The following KALRN variants were observed in gnomAD, a reference collection of about 807,000 sequenced individuals.
KALRN encodes kalirin.
In KALRN, 70 loss-of-function variants were observed where a neutral mutation model predicts 353.7. That is an observed-to-expected ratio of 0.20 (90% CI 0.16 to 0.24). The LOEUF is 0.24. Among genes scored for constraint, KALRN ranks in the 10% least tolerant of loss-of-function variants. The probability of loss-of-function intolerance (pLI) is 1.00; values close to 1 mark genes in which losing one functional copy is unlikely to be tolerated. For missense variants in KALRN, 2,791 were observed against 3,756.7 expected (o/e 0.74, Z 6.72); for synonymous variants, 1,391 against 1,434.8 (o/e 0.97, Z 0.69).
intron 5 of KALRN, among the ~76,000 whole-genome samples, chr3:124,288,192 A>G (rs2076122078): frequency 6.6e-6 from 1 of 152,140 alleles, no homozygotes; most frequent in African/African-American, 2.4e-5. Flanking sequence ...TATATTTTTT[A>G]AGAAAACATT....
intron 21 of KALRN, among the ~76,000 whole-genome samples, chr3:124,449,947 T>A (rs2058619462): frequency 6.6e-6 from 1 of 152,244 alleles, no homozygotes; most frequent in African/African-American, 2.4e-5. Flanking sequence ...ATTCATCAGT[T>A]GATGGACATT....
At chr3:124,673,122 C>T (rs1159524880) in intron 48 of KALRN, among the ~76,000 whole-genome samples, 5 of 152,074 alleles carry the variant, frequency 3.3e-5, no homozygotes, top group African/African-American at 1.2e-4. Flanking sequence ...CGCTGGCTCA[C>T]GCCTGTAATC....
At position 124,334,942 on chromosome 3, in the gene KALRN, G is replaced by A. The variant is rs531236910; in HGVS notation, c.1647+447G>A. ...CCCAAGTAGCTGGGATTAACCGCATGTGCCATCACACCCAGCTAATTTTTG... is the reference window on the plus strand; with the variant it reads ...CCCAAGTAGCTGGGATTAACCGCATATGCCATCACACCCAGCTAATTTTTG... On this transcript the variant is annotated intron_variant, in intron 9 of 59. Transcript: ENST00000682506. The surrounding 1 kb of genome is among the most constrained non-coding windows in gnomAD (Gnocchi z 4.2). Among the ~76,000 whole-genome samples the A allele has an allele frequency of 3.3e-5, 5 of 152,294 alleles. No homozygotes were observed. In the South Asian group the frequency reaches 1.0e-3, roughly 32 times the overall value.
At chr3:124,392,777 GTATTTTTTTT>G (rs1022692593) in intron 11 of KALRN, among the ~76,000 whole-genome samples, 2 of 146,124 alleles carry the variant, frequency 1.4e-5, no homozygotes, top group South Asian at 2.2e-4. Context: ...GCTAATTTTT[GTATTTTTTTT>G]TATTTTTTTT....
chr3:124,563,225 C>A, intron 34 of KALRN, 136 bp downstream of exon 34: 2 of 933,596 alleles, frequency 2.1e-6, no homozygotes, highest in Non-Finnish European at 2.9e-6. Context: ...TGGGACCTGA[C>A]TGTGAAGAGA....
chr3:124,385,225 C>T (rs902848198), intron 11 of KALRN, among the ~76,000 whole-genome samples, 189 bp downstream of exon 11: 3 of 152,200 alleles, frequency 2.0e-5, no homozygotes, highest in South Asian at 2.1e-4. Context: ...GGCAAAATTT[C>T]CTCCTATAAT....
rs527970122 is a variant in KALRN, at chr3:124,488,412, C to T, written c.4396+97C>T. ...AAGTGGCATGAAGTTAGACAAGGTG[C>T]AAGGCTGGAAGAGAGAAGAAATGAC... On this transcript the variant is annotated intron_variant, in intron 29 of 59. Transcript: ENST00000682506. The T allele has an allele frequency of 2.8e-4, 233 of 821,850 alleles. 1 individual carries two copies. The African/African-American group carries it at 3.4e-3, about 12-fold the overall frequency. The allele number at this position is 821,850 out of a possible 1,614,324, so 50.9% of individuals were successfully genotyped here. A position where few individuals can be genotyped will look rare whatever the true frequency, so the allele number is the denominator to read the frequency against.
chr3:124,136,490 C>T (rs929862875), intron 1 of KALRN, among the ~76,000 whole-genome samples: 2 of 150,084 alleles, frequency 1.3e-5, no homozygotes, highest in Non-Finnish European at 3.0e-5. Context: ...TTGCCAAGGT[C>T]CCCCCCCCAT....
rs568499075 is a variant in KALRN, at chr3:124,095,269, T to G, written c.73+61456T>G. ...AGCAGTGCAGAAGGAGAATGATTCC[T>G]GCAGTAAGAAGCTGGGGGCAAACAG... On this transcript the variant is annotated intron_variant, in intron 1 of 59. Coordinates refer to ENST00000682506, the MANE Select transcript of KALRN (RefSeq NM_001388419.1). 4.6e-5 allele frequency among the ~76,000 whole-genome samples: 7 copies of G among 152,308 alleles called. No individual in the cohort carries two copies. The East Asian group carries it at 1.2e-3, about 25-fold the overall frequency.
intron 1 of KALRN, among the ~76,000 whole-genome samples, chr3:124,190,360 TC>T (rs2150305288): frequency 6.6e-6 from 1 of 152,078 alleles, no homozygotes; most frequent in South Asian, 2.1e-4. Flanking sequence ...GACCCTACCT[TC>T]CCCCTTCCCA....
chr3:124,288,582 G>A (rs878889961), intron 5 of KALRN, among the ~76,000 whole-genome samples: 1 of 150,012 alleles, frequency 6.7e-6, no homozygotes, highest in Non-Finnish European at 1.5e-5. Context: ...TTTCATTGTA[G>A]GTATCAGCAA....
chr3:124,459,783 T>G (rs2059673968), intron 23 of KALRN, among the ~76,000 whole-genome samples: 1 of 152,190 alleles, frequency 6.6e-6, no homozygotes, highest in African/African-American at 2.4e-5. Context: ...AAGCTCTATA[T>G]AGTTTATTTT....
rs533505749 is a variant in KALRN, at chr3:124,210,244, G to T, written c.74-17746G>T. 1.9e-4 allele frequency among the ~76,000 whole-genome samples: 29 copies of T among 152,254 alleles called. 1 individual carries two copies. The highest frequency in any genetic ancestry group is 6.7e-4 in the African/African-American group (28 of 41,564). On this transcript the variant is annotated intron_variant, in intron 1 of 59. Coordinates refer to ENST00000682506, the MANE Select transcript of KALRN (RefSeq NM_001388419.1). ...GTGCCTAGAATATAACAAATACTCA[G>T]TAAATACTAGTTCCCATATTTATTG...
chr3:124,278,755 C>A (rs1001453842), intron 5 of KALRN, among the ~76,000 whole-genome samples: 3 of 152,126 alleles, frequency 2.0e-5, no homozygotes, highest in Non-Finnish European at 4.4e-5. Context: ...CTGTCCTCTC[C>A]TTCCAAGGTA....
intron 21 of KALRN, among the ~76,000 whole-genome samples, chr3:124,450,543 G>A (rs1023068105): frequency 2.0e-5 from 3 of 151,796 alleles, no homozygotes; most frequent in South Asian, 2.1e-4. Flanking sequence ...AAAGATAGGC[G>A]TGATGCTATT....
At chr3:124,642,818 T>TTTTTTTTTTGTTTG (rs2082239712) in intron 37 of KALRN, among the ~76,000 whole-genome samples, 4 of 141,588 alleles carry the variant, frequency 2.8e-5, no homozygotes, top group Non-Finnish European at 6.1e-5. Context: ...TTTTTTTTTT[T>TTTTTTTTTTGTTTG]TTTTTTTTGA....
rs200397995 is a variant in KALRN, at chr3:124,387,805, A to AT, written c.1962+2779dup. Among the ~76,000 whole-genome samples, 1,417 of 149,472 alleles carry AT rather than the reference A, an allele frequency of 9.5e-3. 19 individuals are homozygous for AT. The highest frequency in any genetic ancestry group is 0.032 in the African/African-American group (1,316 of 40,720). On this transcript the variant is annotated intron_variant, in intron 11 of 59. Coordinates refer to ENST00000682506, the MANE Select transcript of KALRN (RefSeq NM_001388419.1). ...ACAACTCTCTGATCATACAGATTTT[A>AT]TTTTTTTTTTCAGGATGGACAGAAA...
rs1021199039 is a variant in KALRN at position 124,623,432 on chromosome 3, G to A, written c.5183-8988G>A. 3.6e-5 allele frequency among the ~76,000 whole-genome samples: 3 copies of A among 82,482 alleles called. No individual in the cohort carries two copies. In the Admixed American group the frequency reaches 4.1e-4, roughly 11 times the overall value. The allele number at this position is 82,482 out of a possible 152,430, so 54.1% of individuals were successfully genotyped here. The stretch of plus-strand genomic sequence containing the variant: ...CACACACACACACACACACACAAAA[G>A]GGAGTTTATTAACTCACATGATCGC... On this transcript the variant is annotated intron_variant, in intron 34 of 59. Coordinates refer to ENST00000682506, the MANE Select transcript of KALRN (RefSeq NM_001388419.1).
intron 27 of KALRN, among the ~76,000 whole-genome samples, chr3:124,479,975 G>A (rs570706277): frequency 1.3e-5 from 2 of 152,100 alleles, no homozygotes; most frequent in Admixed American, 6.5e-5. Flanking sequence ...TACCCGCCTC[G>A]GCCTCCCAAA....
Sources: gnomAD v4.1 joint callset for allele counts (sites outside exome capture counted in the v4.1 genomes callset) on GRCh38, gnomAD v4.1.1 for gene constraint, Gnocchi (gnomAD v3.1) non-coding constraint, MANE v1.5 for transcripts, NCBI Gene and HGNC (gene_info 2026-07-23, HGNC 2026-07-21) for gene names.